Variants in RSRC1 observed in about 807,000 individuals in gnomAD.
The protein encoded by RSRC1 is arginine and serine rich coiled-coil 1, also known as serine/Arginine-related protein 53.
A neutral mutation model predicts 49.1 loss-of-function variants in RSRC1; 39 were observed. That is an observed-to-expected ratio of 0.79 (90% confidence interval 0.61 to 1.04). The LOEUF is 1.04. Among genes scored for constraint, RSRC1 ranks in the 50% least tolerant of loss-of-function variants. The pLI is 0.00. For missense variants in RSRC1, 388 were observed against 402.4 expected, an observed-to-expected ratio of 0.96 and a Z score of 0.31; for synonymous variants, 143 against 130.8, an observed-to-expected ratio of 1.09 and a Z score of -0.63.
intron 6 of RSRC1, among the ~76,000 whole-genome samples, chr3:158,373,247 T>C (rs1732176949): frequency 6.6e-6 from 1 of 151,974 alleles, no homozygotes; most frequent in South Asian, 2.1e-4. Flanking sequence ...CTTATTACTG[T>C]AGCTAGAATC....
chr3:158,485,912 G>A (rs932098029), intron 7 of RSRC1, among the ~76,000 whole-genome samples: 32 of 152,106 alleles, frequency 2.1e-4, no homozygotes, highest in African/African-American at 4.6e-4. Flanking sequence ...AGTCATATGC[G>A]TATAAAAGAT....
intron 6 of RSRC1, among the ~76,000 whole-genome samples, chr3:158,428,386 G>A (rs1366613483): frequency 6.6e-6 from 1 of 151,814 alleles, no homozygotes; most frequent in African/African-American, 2.4e-5. Flanking sequence ...GAAACAGAAT[G>A]CTGGTGAAGA....
At chr3:158,410,561 C>G (rs1368868428) in intron 6 of RSRC1, among the ~76,000 whole-genome samples, 1 of 152,066 alleles carries the variant, frequency 6.6e-6, no homozygotes, top group Non-Finnish European at 1.5e-5. Flanking sequence ...ATGGTCAGAC[C>G]GTATCTGTTT....
chr3:158,448,440 A>T (rs868806777), intron 6 of RSRC1, among the ~76,000 whole-genome samples: 2 of 151,936 alleles, frequency 1.3e-5, no homozygotes, highest in Non-Finnish European at 2.9e-5. Flanking sequence ...ACATATAAGC[A>T]TGTACAAAGA....
intron 6 of RSRC1, among the ~76,000 whole-genome samples, chr3:158,434,675 G>A (rs185088514): frequency 6.6e-6 from 1 of 151,854 alleles, no homozygotes; most frequent in African/African-American, 2.4e-5. Flanking sequence ...GTTACACTTA[G>A]CTCCTGCTCA....
chr3:158,434,524 T>C (rs1036414073), intron 6 of RSRC1, among the ~76,000 whole-genome samples: 1 of 152,014 alleles, frequency 6.6e-6, no homozygotes, highest in African/African-American at 2.4e-5. Context: ...AACACCGATA[T>C]TGGGTACTTT....
At chr3:158,222,514 T>C (rs1559949083) in intron 4 of RSRC1, among the ~76,000 whole-genome samples, 1 of 151,534 alleles carries the variant, frequency 6.6e-6, no homozygotes, top group Non-Finnish European at 1.5e-5. Flanking sequence ...ACTATAAATA[T>C]ATATAATTTT....
chr3:158,147,179 G>T (rs1299383564), intron 3 of RSRC1, among the ~76,000 whole-genome samples: 1 of 114,106 alleles, frequency 8.8e-6, no homozygotes, highest in Non-Finnish European at 1.7e-5. Flanking sequence ...TTACAAATGT[G>T]TACTTCACTT....
At chr3:158,241,022 ATAAAC>A (rs1289728328) in intron 4 of RSRC1, among the ~76,000 whole-genome samples, 8 of 152,208 alleles carry the variant, frequency 5.3e-5, no homozygotes, top group Non-Finnish European at 1.0e-4. Context: ...TACCTAATGT[ATAAAC>A]TAAACTTTAT....
At chr3:158,430,703 C>G (rs960643004) in intron 6 of RSRC1, among the ~76,000 whole-genome samples, 2 of 151,914 alleles carry the variant, frequency 1.3e-5, no homozygotes, top group Non-Finnish European at 2.9e-5. Context: ...CAAATAAACT[C>G]TTTTCTGTAC....
At chr3:158,421,013 T>A (rs1735014817) in intron 6 of RSRC1, among the ~76,000 whole-genome samples, 1 of 151,930 alleles carries the variant, frequency 6.6e-6, no homozygotes, top group Non-Finnish European at 1.5e-5. Context: ...CAAGGCCAAA[T>A]ATTCATTCGT....
At chr3:158,352,722 G>A (rs894358883) in intron 5 of RSRC1, among the ~76,000 whole-genome samples, 5 of 152,140 alleles carry the variant, frequency 3.3e-5, no homozygotes, top group East Asian at 3.9e-4. Context: ...AACAAATTTC[G>A]TAACCCTGGG....
chr3:158,455,410 A>T (rs1737256161), intron 6 of RSRC1, among the ~76,000 whole-genome samples: 1 of 152,120 alleles, frequency 6.6e-6, no homozygotes, highest in African/African-American at 2.4e-5. Flanking sequence ...TGATTTGATG[A>T]TTCACAGCCA....
At chr3:158,339,294 G>A (rs1307180895) in intron 5 of RSRC1, among the ~76,000 whole-genome samples, 8 of 86,194 alleles carry the variant, frequency 9.3e-5, no homozygotes, top group African/African-American at 2.6e-4. Context: ...GCGAGACTCC[G>A]TCTCAAAAAA....
At chr3:158,260,183 G>A (rs1049021929) in intron 4 of RSRC1, among the ~76,000 whole-genome samples, 4 of 152,014 alleles carry the variant, frequency 2.6e-5, no homozygotes, top group Admixed American at 1.3e-4. Flanking sequence ...TGGAATGTGC[G>A]GGGTTACACC....
intron 6 of RSRC1, among the ~76,000 whole-genome samples, chr3:158,381,729 T>C (rs1471130380): frequency 6.6e-6 from 1 of 152,096 alleles, no homozygotes; most frequent in Non-Finnish European, 1.5e-5. Context: ...TATTTGTATA[T>C]CTAAACATAT....
chr3:158,153,101 C>T (rs1717649486), intron 3 of RSRC1, among the ~76,000 whole-genome samples: 1 of 152,100 alleles, frequency 6.6e-6, no homozygotes. Context: ...CCTTTCTGTC[C>T]TTTTTAAAGC....
Position 158,201,524 on chromosome 3 carries a change from G to A in RSRC1, c.321-1548G>A, listed in dbSNP as rs552553534. 2.4e-4 allele frequency among the ~76,000 whole-genome samples: 37 copies of A among 152,198 alleles called. No homozygotes were observed. The East Asian group carries it at 6.9e-3, about 29-fold the overall frequency. ...TTTGAATCTTGTCACACAGATCCCT[G>A]AGGGGCTTTCTTATTACAGTCTTTT... On this transcript the variant is annotated intron_variant, in intron 3 of 9. Transcript: ENST00000611884.
chr3:158,450,002 C>T (rs984063138), intron 6 of RSRC1, among the ~76,000 whole-genome samples: 1 of 151,984 alleles, frequency 6.6e-6, no homozygotes, highest in East Asian at 1.9e-4. Flanking sequence ...TAAGTATCAT[C>T]CCCTCCTAGA....
Sources: gnomAD v4.1 joint callset for allele counts (sites outside exome capture counted in the v4.1 genomes callset) on GRCh38, gnomAD v4.1.1 for gene constraint, MANE v1.5 for transcripts, NCBI Gene and HGNC (gene_info 2026-07-23, HGNC 2026-07-21) for gene names.